The following SCAF11 variants were observed in gnomAD, a reference collection of about 807,000 sequenced individuals.
SCAF11 encodes the protein protein SCAF11.
Under a neutral mutation model 140.5 loss-of-function variants are expected in SCAF11, and 47 were observed. The ratio of observed to expected loss-of-function variants is 0.33; its 90% CI spans 0.26 to 0.43. The LOEUF (loss-of-function observed/expected upper bound fraction) is 0.43, where lower values mean the gene tolerates loss of function less well. Among genes scored for constraint, SCAF11 ranks in the 20% least tolerant of loss-of-function variants. The pLI is 1.00. For synonymous variants in SCAF11, 557 were observed against 579.4 expected, an observed-to-expected ratio of 0.96 and a Z score of 0.55; for missense variants, 1,645 against 1,705.1, an observed-to-expected ratio of 0.96 and a Z score of 0.62.
chr12:45,983,177 G>C (rs1946384125), intron 1 of SCAF11, among the ~76,000 whole-genome samples: 1 of 152,134 alleles, frequency 6.6e-6, no homozygotes, highest in African/African-American at 2.4e-5. Context: ...TTTGAAAGTG[G>C]TTTATAAGAT....
intron 6 of SCAF11, among the ~76,000 whole-genome samples, chr12:45,940,420 T>A (rs1427966952): frequency 6.6e-6 from 1 of 152,358 alleles, no homozygotes; most frequent in East Asian, 1.9e-4. Context: ...AGTGAGAGGC[T>A]TAATTAAGGT....
rs1008535391 is a variant in SCAF11 at position 45,927,761 on chromosome 12, G to A, written c.1940C>T (p.Ala647Val). ...TTCATTCCCAAAAGTATCACATGTT[G>A]CAATTATTTCTACATCTTCAGTTTC... The part of the protein sequence containing the change: ...HVETEDVEII[A>V]TCDTFGNEDF... The change falls in exon 11 of 15, where the codon GCA (alanine) becomes GTA (valine). Residue 647 changes from alanine to valine, a missense_variant. By Grantham distance (64) the Ala-to-Val change is moderately conservative. Transcript: ENST00000369367. 1 of 1,612,584 alleles carries A rather than the reference G, an allele frequency of 6.2e-7. No homozygotes were observed. Among genetic ancestry groups the A allele is most frequent in the African/African-American group, 1.3e-5 (1 of 74,760 alleles).
Position 45,961,859 on chromosome 12 carries a change from T to C in SCAF11, c.62-2A>G. On this transcript the variant is annotated splice_acceptor_variant, in intron 2 of 14. Coordinates refer to ENST00000369367, the MANE Select transcript of SCAF11 (RefSeq NM_004719.3). LOFTEE classifies it high-confidence loss of function. ...TAGTATTATCTCCGTTTTCTTCACC[T>C]GTTAAAGTAAAACAGCCATATGTGC... The C allele has an allele frequency of 6.3e-7, 1 of 1,596,936 alleles. No homozygotes were observed. Among genetic ancestry groups the C allele is most frequent in the Non-Finnish European group, 8.5e-7 (1 of 1,173,122 alleles).
At chr12:45,959,912 C>A (rs749897990) in intron 3 of SCAF11, among the ~76,000 whole-genome samples, 1 of 152,184 alleles carries the variant, frequency 6.6e-6, no homozygotes, top group Non-Finnish European at 1.5e-5. Flanking sequence ...AACACTATCA[C>A]AACTCCTCCC....
chr12:45,932,672 T>C (rs1447001459), intron 9 of SCAF11, among the ~76,000 whole-genome samples: 2 of 152,058 alleles, frequency 1.3e-5, no homozygotes, highest in Non-Finnish European at 2.9e-5. Flanking sequence ...AAGAATAAAC[T>C]AAGAAATAAA....
intron 10 of SCAF11, chr12:45,929,557 G>A (rs1944992714): frequency 6.6e-6 from 1 of 152,124 alleles, no homozygotes; most frequent in African/African-American, 2.4e-5. Context: ...ATTAACAGAT[G>A]TTACTTCTAA....
chr12:45,926,425 C>T lies in SCAF11; in HGVS notation c.3276G>A (p.Gln1092=), dbSNP rs935013488. The part of the protein sequence containing the change: ...TYRSSFAYKD[Q]NENRWQNRKP... Reference sequence around the variant, plus strand: ...TTCGATTTTGCCACCGATTTTCATTCTGATCTTTATAGGCAAAACTACTTC... The same window carrying T: ...TTCGATTTTGCCACCGATTTTCATTTTGATCTTTATAGGCAAAACTACTTC... The change falls in exon 11 of 15, where the codon CAG becomes CAA. Residue 1092 remains glutamine (Q), a synonymous_variant. Transcript: ENST00000369367. The T allele has an allele frequency of 1.3e-5, 21 of 1,614,106 alleles. No homozygotes were observed. Among genetic ancestry groups the T allele is most frequent in the Non-Finnish European group, 1.2e-5 (14 of 1,180,040 alleles).
chr12:45,931,928 C>G (rs958369046), intron 9 of SCAF11, among the ~76,000 whole-genome samples: 2 of 152,078 alleles, frequency 1.3e-5, no homozygotes, highest in Non-Finnish European at 2.9e-5. Context: ...ATTTTTCCAG[C>G]TTTCATCATG....
chr12:45,926,960 C>A lies in SCAF11; in HGVS notation c.2741G>T (p.Arg914Leu). The A allele has an allele frequency of 6.2e-7, 1 of 1,612,578 alleles. No individual in the cohort carries two copies. Among genetic ancestry groups the A allele is most frequent in the Non-Finnish European group, 8.5e-7 (1 of 1,180,002 alleles). ...GEKSRSQSRERESDRDGQRRE... is the reference protein window; with the variant it reads ...GEKSRSQSRELESDRDGQRRE... ...CCTCTGCCCATCTCTATCACTTTCT[C>A]GTTCTCTGCTCTGGGACCTGGATTT... Residue 914 changes from arginine to leucine, a missense_variant, in exon 11 of 15, where the codon CGA becomes CTA. Physicochemically the swap from Arg to Leu is moderately radical, Grantham distance 102 (BLOSUM62 -2). Around this residue, in one of 2 missense-constraint regions of SCAF11, gnomAD observed 1,582 missense variants for 1,609.2 expected, o/e 0.98. Transcript: ENST00000369367.
At chr12:45,955,669 T>C (rs1418347955) in intron 3 of SCAF11, 1 of 152,534 alleles carries the variant, frequency 6.6e-6, no homozygotes, top group Non-Finnish European at 1.5e-5. Flanking sequence ...TTGAAGAAAA[T>C]TATCTCAAAT....
At position 45,922,123 on chromosome 12, in the gene SCAF11, T is replaced by C. The variant is rs1944728808; in HGVS notation, c.4317A>G (p.Lys1439=). 6.2e-7 allele frequency: 1 copy of C among 1,613,872 alleles called. No individual in the cohort carries two copies. Among genetic ancestry groups the C allele is most frequent in the Admixed American group, 1.7e-5 (1 of 59,986 alleles). The stretch of plus-strand genomic sequence containing the variant: ...GGCTCCCCTTCCGTGAATATTTGTA[T>C]TTGTCTACATAGGCTTTAACCAGAT... ...VANLVKAYVD[K]YKYSRKGSQK... Residue 1439 remains lysine, a synonymous_variant, in exon 15 of 15, where the codon AAA becomes AAG. Transcript: ENST00000369367.
rs748499196 is a variant in SCAF11, at chr12:45,923,023, G to A, written c.4038C>T (p.Ser1346=). 59 of 1,614,030 alleles carry A rather than the reference G, an allele frequency of 3.7e-5. No homozygotes were observed. Among genetic ancestry groups the A allele is most frequent in the Non-Finnish European group, 3.1e-5 (37 of 1,180,012 alleles). ...SSGNTSSSSH[S]KASNAAVKLA... is the part of the protein sequence containing the mutation. ...ATTTTACAGCAGCATTAGAGGCTTT[G>A]CTGTGACTTGATGACGAAGTATTAC... The change falls in exon 13 of 15, where the codon AGC becomes AGT. Residue 1346 remains serine, a synonymous_variant. Transcript: ENST00000369367.
At chr12:45,970,463 G>A (rs1213621365) in intron 1 of SCAF11, among the ~76,000 whole-genome samples, 1 of 152,226 alleles carries the variant, frequency 6.6e-6, no homozygotes, top group African/African-American at 2.4e-5. Context: ...TGCCATGACA[G>A]ACCCTACTAT....
intron 3 of SCAF11, among the ~76,000 whole-genome samples, chr12:45,952,972 T>C (rs1017533102): frequency 2.0e-5 from 3 of 152,348 alleles, no homozygotes; most frequent in African/African-American, 7.2e-5. Context: ...TGGTCCTTGA[T>C]CATTTAACAC....
chr12:45,990,929 C>G (rs969805922), upstream of SCAF11, among the ~76,000 whole-genome samples: 1 of 152,252 alleles, frequency 6.6e-6, no homozygotes, highest in Non-Finnish European at 1.5e-5. Flanking sequence ...AGCGCGTGGA[C>G]TTTGGCCTCT....
chr12:45,926,684 T>C lies in SCAF11; in HGVS notation c.3017A>G (p.Asp1006Gly). The change falls in exon 11 of 15, where the codon GAT becomes GGT. Residue 1006 changes from aspartate (D) to glycine (G), a missense_variant. Coordinates refer to ENST00000369367, the MANE Select transcript of SCAF11 (RefSeq NM_004719.3). ...GTCAGCAGAATTTGGATCATCAGCA[T>C]CTAGATGGATGTCATTTTTTTCTTT... is the stretch of plus-strand genomic sequence containing the variant. ...TRKEKNDIHLDADDPNSADKH... is the reference protein window; with the variant it reads ...TRKEKNDIHLGADDPNSADKH... 3.1e-6 allele frequency: 5 copies of C among 1,613,620 alleles called. No individual in the cohort carries two copies. Among genetic ancestry groups the C allele is most frequent in the Non-Finnish European group, 4.2e-6 (5 of 1,180,002 alleles).
chr12:45,930,440 GTTTTGTTTTTT>G (rs1006790168), intron 10 of SCAF11, among the ~76,000 whole-genome samples: 29 of 140,440 alleles, frequency 2.1e-4, no homozygotes, highest in Admixed American at 8.4e-4. Context: ...TTTGCGTTGT[GTTTTGTTTTTT>G]TTTTGTTTTT....
chr12:45,937,598 TG>T (rs1255161849), intron 6 of SCAF11, among the ~76,000 whole-genome samples: 3 of 152,208 alleles, frequency 2.0e-5, no homozygotes, highest in African/African-American at 7.2e-5. Flanking sequence ...AGCAGACATC[TG>T]GTTACTTCAT....
chr12:45,941,924 A>G (rs1269412687), intron 6 of SCAF11, among the ~76,000 whole-genome samples: 1 of 152,152 alleles, frequency 6.6e-6, no homozygotes, highest in East Asian at 1.9e-4. Flanking sequence ...GCCATCCAAG[A>G]CAGCAAGACC....
Sources: gnomAD v4.1 joint callset for allele counts (sites outside exome capture counted in the v4.1 genomes callset) on GRCh38, gnomAD v4.1.1 for gene constraint, gnomAD v4.1.1 regional missense constraint, MANE v1.5 for transcripts, NCBI Gene and HGNC (gene_info 2026-07-23, HGNC 2026-07-21) for gene names.